VPS54: variants seen among roughly 807,000 people sequenced by gnomAD.
The protein encoded by VPS54 is VPS54 subunit of GARP complex, also known as vacuolar protein sorting-associated protein 54.
VPS54 carries 45 observed loss-of-function variants against 121.5 expected under a neutral mutation model. The observed-to-expected ratio is 0.37, with a 90% confidence interval of 0.29 to 0.47. The LOEUF (loss-of-function observed/expected upper bound fraction) is 0.47, where lower values mean the gene tolerates loss of function less well. Ranked by LOEUF, VPS54 falls within the 20% of genes least tolerant of loss-of-function variation. The pLI is 0.99. For missense variants in VPS54, 1,090 were observed against 1,131.4 expected (o/e 0.96, Z 0.52); for synonymous variants, 371 against 385.8 (o/e 0.96, Z 0.45).
At chr2:63,991,240 CCT>C (rs1191174990) in intron 1 of VPS54, among the ~76,000 whole-genome samples, 2 of 152,174 alleles carry the variant, frequency 1.3e-5, no homozygotes, top group East Asian at 1.9e-4. Flanking sequence ...TGAATTATAC[CCT>C]GATTTTTTAG....
Position 64,019,335 on chromosome 2 carries a change from C to A in VPS54, c.-418G>T, listed in dbSNP as rs944894631. On this transcript the variant is annotated 5_prime_UTR_variant, in exon 1 of 23. Coordinates refer to ENST00000272322, the MANE Select transcript of VPS54 (RefSeq NM_016516.3). ...TCTAGCGCTTCTGCTCCCGACTCCA[C>A]TGCTTTCCCTCACCCCGCCGGCCCA... 1.3e-4 allele frequency among the ~76,000 whole-genome samples: 20 copies of A among 150,704 alleles called. No homozygotes were observed. Among genetic ancestry groups the A allele is most frequent in the African/African-American group, 3.9e-4 (16 of 41,458 alleles).
At chr2:63,906,048 C>T (rs1672890817) in intron 20 of VPS54, among the ~76,000 whole-genome samples, 1 of 151,998 alleles carries the variant, frequency 6.6e-6, no homozygotes, top group African/African-American at 2.4e-5. Flanking sequence ...TGATAAAGGC[C>T]TCTTAAAAAA....
chr2:63,961,515 TATAAA>T (rs1675772807), intron 7 of VPS54, among the ~76,000 whole-genome samples: 1 of 151,626 alleles, frequency 6.6e-6, no homozygotes, highest in African/African-American at 2.4e-5. Context: ...GCAATTAGTC[TATAAA>T]ATAAACACTT....
rs187145353 is a variant in VPS54 at position 63,941,831 on chromosome 2, C to T, written c.1398+634G>A. ...GGCAGATCACTTGAGGTCAGGAGTT[C>T]GAGACCAGCCTGGCCAACATGGTGA... On this transcript the variant is annotated intron_variant, in intron 11 of 22. Transcript: ENST00000272322. Among the ~76,000 whole-genome samples, 7 of 151,996 alleles carry T rather than the reference C, an allele frequency of 4.6e-5. No individual in the cohort carries two copies. In the East Asian group the frequency reaches 7.7e-4, roughly 17 times the overall value.
chr2:63,982,808 C>T (rs1676859097), intron 2 of VPS54, among the ~76,000 whole-genome samples: 1 of 152,146 alleles, frequency 6.6e-6, no homozygotes, highest in East Asian at 1.9e-4. Context: ...ACAAAAAGAA[C>T]ATTAGTTTAT....
intron 3 of VPS54, chr2:63,974,977 C>T: frequency 2.6e-6 from 4 of 1,547,354 alleles, no homozygotes; most frequent in Non-Finnish European, 3.5e-6. Context: ...TGACAGGGGA[C>T]ATCCTTACCT....
chr2:64,018,082 A>T, intron 1 of VPS54, among the ~76,000 whole-genome samples: 1 of 152,354 alleles, frequency 6.6e-6, no homozygotes, highest in African/African-American at 2.4e-5. Flanking sequence ...ATTTCTCGGT[A>T]TACTACAAGT....
chr2:63,913,392 C>A, intron 17 of VPS54, 82 bp from the exon 18 acceptor site: 1 of 963,712 alleles, frequency 1.0e-6, no homozygotes, highest in Non-Finnish European at 1.5e-6. Flanking sequence ...TATAAAAATA[C>A]ATTCCCCTTT....
At chr2:63,970,186 T>C (rs1676199447) in intron 4 of VPS54, among the ~76,000 whole-genome samples, 1 of 131,880 alleles carries the variant, frequency 7.6e-6, no homozygotes, top group Non-Finnish European at 1.6e-5. Context: ...TGCTCAGTTC[T>C]TTCCCATTAA....
intron 6 of VPS54, 26 bp from the exon 7 acceptor site, chr2:63,962,469 G>T: frequency 1.9e-6 from 3 of 1,577,786 alleles, no homozygotes; most frequent in Non-Finnish European, 2.6e-6. Flanking sequence ...AAAAAAATAT[G>T]AAGTACTATG....
At chr2:63,910,647 T>C (rs1673110028) in intron 20 of VPS54, among the ~76,000 whole-genome samples, 2 of 152,200 alleles carry the variant, frequency 1.3e-5, no homozygotes, top group Non-Finnish European at 2.9e-5. Flanking sequence ...AAATTTATTA[T>C]AAAATATTTT....
At chr2:63,936,740 C>G (rs955838880) in intron 11 of VPS54, among the ~76,000 whole-genome samples, 2 of 152,074 alleles carry the variant, frequency 1.3e-5, no homozygotes, top group African/African-American at 4.8e-5. Context: ...GTATGGAAGT[C>G]TTATAATCCT....
At chr2:63,912,223 T>C (rs1673179662) in intron 20 of VPS54, 122 bp downstream of exon 20, 2 of 995,116 alleles carry the variant, frequency 2.0e-6, no homozygotes, top group South Asian at 3.5e-5. Flanking sequence ...ATTCTACTAA[T>C]TGGTAAATAT....
At chr2:63,953,091 T>A (rs1675330979) in intron 7 of VPS54, among the ~76,000 whole-genome samples, 1 of 151,732 alleles carries the variant, frequency 6.6e-6, no homozygotes, top group South Asian at 2.1e-4. Context: ...AAGCCTTTTC[T>A]AATCTCACAC....
chr2:63,942,866 C>A (rs1674803902), intron 10 of VPS54, among the ~76,000 whole-genome samples: 1 of 152,122 alleles, frequency 6.6e-6, no homozygotes, highest in South Asian at 2.1e-4. Context: ...TGGAAACATA[C>A]ATCTCTCCCC....
chr2:63,918,632 C>T (rs569874716), intron 15 of VPS54, among the ~76,000 whole-genome samples: 12 of 152,114 alleles, frequency 7.9e-5, no homozygotes, highest in Non-Finnish European at 1.5e-4. Flanking sequence ...CAATTTTTCT[C>T]TGCCCTATAT....
At chr2:63,926,849 C>T (rs1246646703) in intron 12 of VPS54, among the ~76,000 whole-genome samples, 1 of 152,162 alleles carries the variant, frequency 6.6e-6, no homozygotes, top group African/African-American at 2.4e-5. Flanking sequence ...GTGCCTGGCT[C>T]GGTGGGTCCC....
At chr2:63,986,428 A>T (rs1265641966) in intron 1 of VPS54, among the ~76,000 whole-genome samples, 2 of 152,180 alleles carry the variant, frequency 1.3e-5, no homozygotes, top group African/African-American at 4.8e-5. Context: ...ATCTGTTGCA[A>T]ATGACAAGAT....
chr2:63,942,638 TG>T, intron 10 of VPS54, 77 bp from the exon 11 acceptor site: 1 of 1,195,858 alleles, frequency 8.4e-7, no homozygotes, highest in Non-Finnish European at 1.2e-6. Flanking sequence ...CTGGAAGAAA[TG>T]AGACTAAATA....
Sources: allele counts gnomAD v4.1 joint callset (sites outside exome capture counted in the v4.1 genomes callset), GRCh38; gene constraint gnomAD v4.1.1; transcripts MANE v1.5; gene names NCBI Gene and HGNC (gene_info 2026-07-23, HGNC 2026-07-21).